Variants in PRELID2 observed in about 807,000 individuals in gnomAD.
PRELID2 encodes PRELI domain containing 2.
Under a neutral mutation model 28.4 loss-of-function variants are expected in PRELID2, and 25 were observed. The ratio of observed to expected loss-of-function variants is 0.88; its 90% confidence interval spans 0.64 to 1.23. PRELID2 has a LOEUF of 1.23. PRELID2 is among the 50% of genes most tolerant of loss of function. The pLI is 0.00. For missense variants in PRELID2, 201 were observed against 214.4 expected (o/e 0.94, Z 0.39); for synonymous variants, 76 against 71.6 (o/e 1.06, Z -0.31).
chr5:145,777,979 G>A (rs763826918), intron 5 of PRELID2, among the ~76,000 whole-genome samples: 1 of 152,304 alleles, frequency 6.6e-6, no homozygotes. Context: ...GTTCCTGGAC[G>A]GAAGGGAGCA....
the PRELID2 span, among the ~76,000 whole-genome samples, chr5:145,293,251 T>C: frequency 1.6e-3 from 249 of 152,270 alleles, 2 homozygotes; most frequent in African/African-American, 5.6e-3. Flanking sequence ...CCTCGTTATA[T>C]AGACTTGGGT....
At chr5:145,399,267 C>T in the PRELID2 span, among the ~76,000 whole-genome samples, 1 of 152,030 alleles carries the variant, frequency 6.6e-6, no homozygotes, top group Non-Finnish European at 1.5e-5. Context: ...GAGTTGATTA[C>T]ATGGGGGTTG....
At chr5:145,432,329 T>A in the PRELID2 span, among the ~76,000 whole-genome samples, 3 of 151,742 alleles carry the variant, frequency 2.0e-5, no homozygotes, top group Non-Finnish European at 2.9e-5. Context: ...AAGAAATTTA[T>A]GAGAGCTTTT....
chr5:145,249,937 GTCTCTCTCTCTCTCTC>G, the PRELID2 span, among the ~76,000 whole-genome samples: 22 of 138,610 alleles, frequency 1.6e-4, no homozygotes, highest in Non-Finnish European at 2.4e-4. Context: ...CTCTCTCTCT[GTCTCTCTCTCTCTCTC>G]TCTCTCTCTC....
At chr5:145,258,531 C>G in the PRELID2 span, among the ~76,000 whole-genome samples, 6 of 152,026 alleles carry the variant, frequency 3.9e-5, no homozygotes, top group African/African-American at 1.4e-4. Context: ...TGCCTCTGCC[C>G]AAGGGATAGG....
intron 1 of PRELID2, among the ~76,000 whole-genome samples, chr5:145,485,270 G>C (rs11167903): frequency 0.21 from 31,515 of 152,132 alleles, 3,693 homozygotes; most frequent in South Asian, 0.36. Context: ...TGAGGACAGG[G>C]TTCTAGGCAG....
chr5:145,503,266 CTG>C (rs1752375816), intron 1 of PRELID2, among the ~76,000 whole-genome samples: 2 of 152,162 alleles, frequency 1.3e-5, no homozygotes, highest in South Asian at 4.1e-4. Flanking sequence ...TTCTAATCCT[CTG>C]AGCAACTGTA....
chr5:145,633,603 G>T (rs1051964306), intron 1 of PRELID2, among the ~76,000 whole-genome samples: 7 of 152,210 alleles, frequency 4.6e-5, no homozygotes, highest in African/African-American at 1.7e-4. Flanking sequence ...CAAGCTCTGA[G>T]TTGGGAAGCT....
At chr5:145,626,736 C>A (rs1016555483) in intron 1 of PRELID2, among the ~76,000 whole-genome samples, 1 of 152,082 alleles carries the variant, frequency 6.6e-6, no homozygotes, top group Non-Finnish European at 1.5e-5. Context: ...ATGTTTATTG[C>A]AGCACTATTC....
chr5:145,324,848 G>GA, the PRELID2 span, among the ~76,000 whole-genome samples: 149 of 152,194 alleles, frequency 9.8e-4, no homozygotes, highest in African/African-American at 3.2e-3. Flanking sequence ...GCTAAGATTA[G>GA]AAAAAAGTGT....
the PRELID2 span, among the ~76,000 whole-genome samples, chr5:145,406,559 T>C: frequency 1.3e-5 from 2 of 152,168 alleles, no homozygotes. Context: ...GTGAGGAAAA[T>C]GGCAGATTGG....
the PRELID2 span, among the ~76,000 whole-genome samples, chr5:145,352,725 T>TAA: frequency 6.6e-6 from 1 of 152,208 alleles, no homozygotes; most frequent in Non-Finnish European, 1.5e-5. Context: ...TCCAAACTTT[T>TAA]ATGTTCTGCT....
rs567918529 is a variant in PRELID2 at position 145,577,997 on chromosome 5, G to T, written n.71-104682C>A. On this transcript the variant is annotated intron_variant and non_coding_transcript_variant, in intron 1 of 2. Coordinates refer to the PRELID2 transcript ENST00000510259. The stretch of plus-strand genomic sequence containing the variant: ...CGAATGACATTTCTTCTCAGTGTAG[G>T]GATCCTCCTCTCAATCCATCCAGAA... Among the ~76,000 whole-genome samples, 44 of 152,150 alleles carry T rather than the reference G, an allele frequency of 2.9e-4. No individual in the cohort carries two copies. The East Asian group carries it at 6.8e-3, about 23-fold the overall frequency.
At chr5:145,738,635 C>A (rs1431130787) in intron 1 of PRELID2, among the ~76,000 whole-genome samples, 1 of 151,768 alleles carries the variant, frequency 6.6e-6, no homozygotes, top group African/African-American at 2.4e-5. Context: ...TCAATCTAAA[C>A]AAGAGAGAGA....
chr5:145,551,764 A>G (rs1752837469), intron 1 of PRELID2, among the ~76,000 whole-genome samples: 1 of 152,204 alleles, frequency 6.6e-6, no homozygotes, highest in African/African-American at 2.4e-5. Context: ...AAGTGTGGGC[A>G]GAGTTTAGCA....
the PRELID2 span, among the ~76,000 whole-genome samples, chr5:145,440,434 G>A: frequency 1.3e-5 from 2 of 152,036 alleles, no homozygotes; most frequent in African/African-American, 4.8e-5. Flanking sequence ...TCAGAAAACC[G>A]AATAATAGCC....
At chr5:145,305,483 C>T in the PRELID2 span, among the ~76,000 whole-genome samples, 1 of 152,110 alleles carries the variant, frequency 6.6e-6, no homozygotes, top group African/African-American at 2.4e-5. Context: ...TGACTTGAGA[C>T]TGGAGGATGC....
intron 4 of PRELID2, among the ~76,000 whole-genome samples, chr5:145,797,960 TAA>T (rs1752879223): frequency 6.6e-6 from 1 of 151,382 alleles, no homozygotes; most frequent in African/African-American, 2.4e-5. Context: ...AATAGACAAC[TAA>T]ATGGATCAGG....
intron 1 of PRELID2, among the ~76,000 whole-genome samples, chr5:145,659,900 G>T (rs1754460909): frequency 6.6e-6 from 1 of 152,092 alleles, no homozygotes; most frequent in Non-Finnish European, 1.5e-5. Flanking sequence ...TGTGGGAAGG[G>T]ATAGAAAAGG....
Sources: allele counts gnomAD v4.1 joint callset (sites outside exome capture counted in the v4.1 genomes callset), GRCh38; gene constraint gnomAD v4.1.1; transcripts MANE v1.5; gene names NCBI Gene and HGNC (gene_info 2026-07-23, HGNC 2026-07-21).